GPHN: variants seen among roughly 807,000 people sequenced by gnomAD.
GPHN encodes the protein gephyrin.
Under a neutral mutation model 95.5 loss-of-function variants are expected in GPHN, and 17 were observed. The ratio of observed to expected loss-of-function variants is 0.18; its 90% CI spans 0.12 to 0.27. GPHN has a LOEUF of 0.27. Ranked by LOEUF, GPHN falls within the 10% of genes least tolerant of loss-of-function variation. The pLI is 1.00. For missense variants in GPHN, 660 were observed against 978.1 expected (o/e 0.67, Z 4.34); for synonymous variants, 320 against 322.5 (o/e 0.99, Z 0.08).
the GPHN span, among the ~76,000 whole-genome samples, chr14:67,551,912 G>A: frequency 6.6e-6 from 1 of 152,114 alleles, no homozygotes; most frequent in African/African-American, 2.4e-5. Context: ...TTCTCAAAGG[G>A]ATCATTGAGA....
the GPHN span, among the ~76,000 whole-genome samples, chr14:67,212,627 A>ATATGTATATG: frequency 1.4e-5 from 2 of 145,618 alleles, no homozygotes; most frequent in South Asian, 4.2e-4. Context: ...AATATATATT[A>ATATGTATATG]TATATAATAT....
At chr14:67,317,369 G>A in the GPHN span, 314 of 1,502,774 alleles carry the variant, frequency 2.1e-4, 4 homozygotes, top group Admixed American at 5.8e-3. Flanking sequence ...TTTTGTTCAC[G>A]GGAACACATT....
intron 2 of GPHN, among the ~76,000 whole-genome samples, chr14:66,713,399 C>T (rs1435572248): frequency 1.3e-5 from 2 of 152,046 alleles, no homozygotes; most frequent in Middle Eastern, 3.4e-3. Flanking sequence ...GGTGTCCTTT[C>T]CCCACTTTAT....
At chr14:67,453,607 GC>G in the GPHN span, among the ~76,000 whole-genome samples, 1 of 152,240 alleles carries the variant, frequency 6.6e-6, no homozygotes, top group African/African-American at 2.4e-5. Context: ...CTAATCTCAT[GC>G]CAGGTCAGGA....
At chr14:66,881,342 C>T (rs925378156) in intron 5 of GPHN, among the ~76,000 whole-genome samples, 1 of 151,826 alleles carries the variant, frequency 6.6e-6, no homozygotes, top group African/African-American at 2.4e-5. Context: ...ATATTACCTA[C>T]ACCAATGAGG....
chr14:66,879,227 G>A (rs2153533312), intron 4 of GPHN, among the ~76,000 whole-genome samples: 1 of 152,134 alleles, frequency 6.6e-6, no homozygotes, highest in African/African-American at 2.4e-5. Context: ...GGTTAGGGGA[G>A]AGATGGCATT....
chr14:67,040,455 A>G (rs2074641665), intron 10 of GPHN, among the ~76,000 whole-genome samples: 2 of 152,184 alleles, frequency 1.3e-5, no homozygotes, highest in Admixed American at 6.5e-5. Flanking sequence ...AATTATGAAA[A>G]TTAGGAAATG....
At chr14:66,904,418 G>T (rs2065272402) in intron 5 of GPHN, among the ~76,000 whole-genome samples, 1 of 152,192 alleles carries the variant, frequency 6.6e-6, no homozygotes, top group East Asian at 1.9e-4. Context: ...GCTAGCCACA[G>T]AGCGGTGATT....
rs112646443 is a variant in GPHN at position 66,915,395 on chromosome 14, A to AT, written c.390-601dup. 3.1e-3 allele frequency among the ~76,000 whole-genome samples: 470 copies of AT among 152,044 alleles called. 11 individuals are homozygous for AT. The highest frequency in any genetic ancestry group is 0.011 in the African/African-American group (445 of 41,490). On this transcript the variant is annotated intron_variant, in intron 5 of 22. Transcript: ENST00000478722. Reference sequence around the variant, plus strand: ...GACTCCAGTCTTCCACTGCTTTTCCATTTTTTTATGTTTCTTAACCAGTTA... The same window carrying AT: ...GACTCCAGTCTTCCACTGCTTTTCCATTTTTTTTATGTTTCTTAACCAGTTA...
At chr14:67,050,037 T>A (rs888589987) in intron 10 of GPHN, among the ~76,000 whole-genome samples, 2 of 151,682 alleles carry the variant, frequency 1.3e-5, no homozygotes, top group African/African-American at 4.8e-5. Context: ...TATCCAAAGG[T>A]CCTTGTGTTA....
At chr14:67,170,866 T>C (rs1052595986) in intron 21 of GPHN, among the ~76,000 whole-genome samples, 2 of 152,230 alleles carry the variant, frequency 1.3e-5, no homozygotes, top group African/African-American at 2.4e-5. Context: ...ATAAGTCTTA[T>C]CTCTCCTTTC....
chr14:67,530,209 T>C, the GPHN span, among the ~76,000 whole-genome samples: 3 of 152,240 alleles, frequency 2.0e-5, no homozygotes, highest in East Asian at 3.8e-4. Flanking sequence ...CTTCCATTTA[T>C]AGATCACTTG....
the GPHN span, among the ~76,000 whole-genome samples, chr14:67,342,206 AAAT>A: frequency 0.15 from 21,330 of 146,132 alleles, 3,189 homozygotes; most frequent in East Asian, 0.42. Context: ...ATAAATAAAT[AAAT>A]AAATAAAATA....
chr14:67,403,570 A>G, the GPHN span, among the ~76,000 whole-genome samples: 2 of 152,228 alleles, frequency 1.3e-5, no homozygotes, highest in Admixed American at 1.3e-4. Flanking sequence ...AAAGTCACTA[A>G]AGTGGAATGT....
Position 67,110,091 on chromosome 14 carries a change from C to T in GPHN, c.1294-49C>T, listed in dbSNP as rs765615090. 3 of 1,582,246 alleles carry T rather than the reference C, an allele frequency of 1.9e-6. No individual in the cohort carries two copies. The East Asian group carries it at 6.7e-5, about 35-fold the overall frequency. On this transcript the variant is annotated intron_variant, in intron 13 of 22. Transcript: ENST00000478722. ...AATTAACATCCTCTGCAGACTTTTCCTTTGCAGCAGCAAAGTACATCAACT... is the reference window on the plus strand; with the variant it reads ...AATTAACATCCTCTGCAGACTTTTCTTTTGCAGCAGCAAAGTACATCAACT...
At chr14:67,600,942 G>A in the GPHN span, among the ~76,000 whole-genome samples, 1 of 152,196 alleles carries the variant, frequency 6.6e-6, no homozygotes, top group Non-Finnish European at 1.5e-5. Context: ...AGAGTGAGCC[G>A]CAAGGAGAGC....
Position 66,916,502 on chromosome 14 carries a change from G to GT in GPHN, c.456+444dup, listed in dbSNP as rs755169347. 4.1e-3 allele frequency among the ~76,000 whole-genome samples: 530 copies of GT among 128,182 alleles called. 4 individuals are homozygous for GT. Among genetic ancestry groups the GT allele is most frequent in the African/African-American group, 0.012 (407 of 34,708 alleles). The allele number at this position is 128,182 out of a possible 152,430, so 84.1% of individuals were successfully genotyped here. On this transcript the variant is annotated intron_variant, in intron 6 of 22. Transcript: ENST00000478722. Reference sequence around the variant, plus strand: ...AGTTTTTTTTTTTTTTTTTGGTTTGGTTTTTTTTTTTGTTTTGTTTTGTTT... The same window carrying GT: ...AGTTTTTTTTTTTTTTTTTGGTTTGGTTTTTTTTTTTTGTTTTGTTTTGTTT...
chr14:67,640,947 A>C, the GPHN span, among the ~76,000 whole-genome samples: 2 of 152,168 alleles, frequency 1.3e-5, no homozygotes, highest in African/African-American at 4.8e-5. Flanking sequence ...TTGAGCACCA[A>C]TATGACATTA....
At chr14:67,423,298 A>G in the GPHN span, among the ~76,000 whole-genome samples, 2 of 152,174 alleles carry the variant, frequency 1.3e-5, no homozygotes, top group South Asian at 4.1e-4. Flanking sequence ...GTGACCTCTA[A>G]GAGAGTACTC....
Sources: gnomAD v4.1 joint callset for allele counts (sites outside exome capture counted in the v4.1 genomes callset) on GRCh38, gnomAD v4.1.1 for gene constraint, MANE v1.5 for transcripts, NCBI Gene and HGNC (gene_info 2026-07-23, HGNC 2026-07-21) for gene names.